Variants in HIF1AN observed in about 807,000 individuals in gnomAD.
HIF1AN encodes the protein hypoxia-inducible factor 1-alpha inhibitor.
A neutral mutation model predicts 47.7 loss-of-function variants in HIF1AN; 21 were observed. That is an observed-to-expected ratio of 0.44 (90% confidence interval 0.31 to 0.63). The LOEUF (loss-of-function observed/expected upper bound fraction) is 0.63, where lower values mean the gene tolerates loss of function less well. Ranked by LOEUF, HIF1AN falls within the 30% of genes least tolerant of loss-of-function variation. The pLI is 0.07. For synonymous variants in HIF1AN, 152 were observed against 155.9 expected, an observed-to-expected ratio of 0.98 and a Z score of 0.18; for missense variants, 320 against 432.7, an observed-to-expected ratio of 0.74 and a Z score of 2.31.
chr10:100,546,011 G>T lies in HIF1AN; in HGVS notation c.792G>T (p.Val264=). 6.2e-7 allele frequency: 1 copy of T among 1,613,924 alleles called. No individual in the cohort carries two copies. Among genetic ancestry groups the T allele is most frequent in the Non-Finnish European group, 8.5e-7 (1 of 1,179,910 alleles). Residue 264 remains valine, a synonymous_variant, in exon 5 of 8, where the codon GTG becomes GTT. Transcript: ENST00000299163. ...NFQNVVGYET[V]VGPGDVLYIP... is the part of the protein sequence containing the mutation. ...AAAATGTGGTTGGTTACGAAACAGT[G>T]GTTGGCCCTGGTGATGTTCTTTACA...
chr10:100,543,328 TAC>T (rs1385595495), intron 3 of HIF1AN, among the ~76,000 whole-genome samples: 1 of 152,194 alleles, frequency 6.6e-6, no homozygotes, highest in East Asian at 1.9e-4. Context: ...TAGCTAGGAC[TAC>T]AGGCGTAAGC....
In HIF1AN at chr10:100,556,891, C is replaced by G. The variant is rs1309362868; in HGVS notation, c.*8754C>G. 1.3e-5 allele frequency: 2 copies of G among 152,180 alleles called. No individual in the cohort carries two copies. The highest frequency in any genetic ancestry group is 4.8e-5 in the African/African-American group (2 of 41,440). 9.4% of individuals were successfully genotyped at this position (152,180 alleles called of 1,614,324 possible). A position where few individuals can be genotyped will look rare whatever the true frequency, so the allele number is the denominator to read the frequency against. On this transcript the variant is annotated 3_prime_UTR_variant, in exon 8 of 8. Transcript: ENST00000299163. ...CAGGAAAATGTTTTATTATGAAGACCAAGTGTCTCTGAAAAGTGTTTCCTT... is the reference window on the plus strand; with the variant it reads ...CAGGAAAATGTTTTATTATGAAGACGAAGTGTCTCTGAAAAGTGTTTCCTT...
In HIF1AN at chr10:100,536,076, A is replaced by G. The variant is rs1160966390; in HGVS notation, c.118A>G (p.Arg40Gly). Residue 40 changes from arginine to glycine, a missense_variant, in exon 1 of 8, where the codon AGG (arginine) becomes GGG (glycine). Physicochemically the swap from Arg to Gly is moderately radical, Grantham distance 125. This residue lies in a region of HIF1AN where 159 missense variants were observed against 159.9 expected (regional missense o/e 0.99). Coordinates refer to ENST00000299163, the MANE Select transcript of HIF1AN (RefSeq NM_017902.3). ...GTTGCGCAGTTATAGCTTCCCGACTAGGCCCATTCCGCGTCTGAGTCAGAG... is the reference window on the plus strand; with the variant it reads ...GTTGCGCAGTTATAGCTTCCCGACTGGGCCCATTCCGCGTCTGAGTCAGAG... ...SQLRSYSFPT[R>G]PIPRLSQSDP... 3 of 1,612,438 alleles carry G rather than the reference A, an allele frequency of 1.9e-6. No homozygotes were observed. Among genetic ancestry groups the G allele is most frequent in the South Asian group, 2.2e-5 (2 of 91,022 alleles).
chr10:100,543,863 G>A (rs1007086989), intron 3 of HIF1AN, among the ~76,000 whole-genome samples: 3 of 152,186 alleles, frequency 2.0e-5, no homozygotes, highest in Admixed American at 2.0e-4. Flanking sequence ...GAGCCGCTGC[G>A]CCCGGCAGTT....
In HIF1AN at chr10:100,540,745, G is replaced by C. The variant is rs1843018587; in HGVS notation, c.540G>C (p.Gly180=). 2 of 1,613,210 alleles carry C rather than the reference G, an allele frequency of 1.2e-6. No homozygotes were observed. The highest frequency in any genetic ancestry group is 1.7e-6 in the Non-Finnish European group (2 of 1,179,764). The change falls in exon 3 of 8, where the codon GGG becomes GGC. Residue 180 remains glycine, a synonymous_variant. Coordinates refer to ENST00000299163, the MANE Select transcript of HIF1AN (RefSeq NM_017902.3). ...AGCAACAGGGAAAGCGTGGCTGGGG[G>C]CAGCTTACCTCTAACCTGCTGCTCA... The part of the protein sequence containing the change: ...INKQQGKRGW[G]QLTSNLLLIG...
chr10:100,558,583 T>C lies in HIF1AN; in HGVS notation c.*10446T>C, dbSNP rs1843233169. 6.6e-6 allele frequency: 1 copy of C among 152,186 alleles called. No homozygotes were observed. Among genetic ancestry groups the C allele is most frequent in the South Asian group, 2.1e-4 (1 of 4,824 alleles). The allele number at this position is 152,186 out of a possible 1,614,324, so 9.4% of individuals were successfully genotyped here. ...GACAGCCTAGATGGGATTCTAGACT[T>C]CTGTGAGAAAGTGCAGTTAGGCCCT... On this transcript the variant is annotated 3_prime_UTR_variant, in exon 8 of 8. Coordinates refer to ENST00000299163, the MANE Select transcript of HIF1AN (RefSeq NM_017902.3).
In HIF1AN at chr10:100,555,900, G is replaced by A. The variant is rs1843210848; in HGVS notation, c.*7763G>A. 1 of 152,244 alleles carries A rather than the reference G, an allele frequency of 6.6e-6. No homozygotes were observed. Among genetic ancestry groups the A allele is most frequent in the East Asian group, 1.9e-4 (1 of 5,206 alleles). 9.4% of individuals were successfully genotyped at this position (152,244 alleles called of 1,614,324 possible). A position where few individuals can be genotyped will look rare whatever the true frequency, so the allele number is the denominator to read the frequency against. On this transcript the variant is annotated 3_prime_UTR_variant, in exon 8 of 8. Coordinates refer to ENST00000299163, the MANE Select transcript of HIF1AN (RefSeq NM_017902.3). ...TATAGTGCAATATAGTGTAGTGGTT[G>A]AGAGTGGAGTCTGCATACCTGGATC...
intron 2 of HIF1AN, among the ~76,000 whole-genome samples, chr10:100,539,992 CTTTTA>C (rs747906425): frequency 3.3e-5 from 5 of 151,878 alleles, no homozygotes; most frequent in Admixed American, 6.6e-5. Context: ...TCCGTGGATT[CTTTTA>C]TTTATTTATT....
At chr10:100,540,361 G>T (rs762773420) in intron 2 of HIF1AN, among the ~76,000 whole-genome samples, 1 of 152,042 alleles carries the variant, frequency 6.6e-6, no homozygotes, top group Non-Finnish European at 1.5e-5. Context: ...AAGAGTTTAA[G>T]ACCAACCTGG....
chr10:100,546,149 T>A, intron 5 of HIF1AN, 100 bp downstream of exon 5: 1 of 850,132 alleles, frequency 1.2e-6, no homozygotes, highest in Non-Finnish European at 2.0e-6. Context: ...ATGATTGGTT[T>A]TATGTGGTCT....
chr10:100,546,132 T>G, intron 5 of HIF1AN, 83 bp downstream of exon 5: 1 of 969,846 alleles, frequency 1.0e-6, no homozygotes, highest in Admixed American at 1.9e-5. Context: ...CGCTTCTGAG[T>G]TATGGCATGA....
chr10:100,541,046 C>T (rs1394114692), intron 3 of HIF1AN, among the ~76,000 whole-genome samples: 1 of 152,058 alleles, frequency 6.6e-6, no homozygotes, highest in African/African-American at 2.4e-5. Flanking sequence ...AACCCCGTCT[C>T]TACTAAAATA....
intron 4 of HIF1AN, 160 bp downstream of exon 4, chr10:100,545,256 T>G: frequency 2.8e-6 from 2 of 717,434 alleles, no homozygotes; most frequent in Non-Finnish European, 2.2e-6. Context: ...GCTCACATAT[T>G]CCAGGCTCCC....
chr10:100,539,060 C>A (rs961583548), intron 2 of HIF1AN, among the ~76,000 whole-genome samples: 1 of 151,802 alleles, frequency 6.6e-6, no homozygotes, highest in African/African-American at 2.4e-5. Context: ...CATGTGCTGC[C>A]ACCACCATGC....
At chr10:100,541,802 C>T (rs1328103181) in intron 3 of HIF1AN, among the ~76,000 whole-genome samples, 1 of 152,162 alleles carries the variant, frequency 6.6e-6, no homozygotes, top group Non-Finnish European at 1.5e-5. Flanking sequence ...GTCAGGGATA[C>T]GTTCTGAGAA....
intron 3 of HIF1AN, 122 bp downstream of exon 3, chr10:100,540,904 C>A: frequency 1.1e-6 from 1 of 891,660 alleles, no homozygotes; most frequent in Non-Finnish European, 1.6e-6. Context: ...AAGCCTCAGC[C>A]TACTCAGCTC....
Position 100,556,251 on chromosome 10 carries a change from G to A in HIF1AN, c.*8114G>A, listed in dbSNP as rs1843213970. 6.6e-6 allele frequency: 1 copy of A among 152,172 alleles called. No homozygotes were observed. The highest frequency in any genetic ancestry group is 1.5e-5 in the Non-Finnish European group (1 of 68,052). 9.4% of individuals were successfully genotyped at this position (152,172 alleles called of 1,614,324 possible). ...TGCTTACAAGGATACTATCACCTATGCCATCAGTGGGGAATGACCTTCCAA... is the reference window on the plus strand; with the variant it reads ...TGCTTACAAGGATACTATCACCTATACCATCAGTGGGGAATGACCTTCCAA... On this transcript the variant is annotated 3_prime_UTR_variant, in exon 8 of 8. Coordinates refer to ENST00000299163, the MANE Select transcript of HIF1AN (RefSeq NM_017902.3).
rs1451332191 is a variant in HIF1AN, at chr10:100,559,306, A to G, written c.*11169A>G. 3 of 152,242 alleles carry G rather than the reference A, an allele frequency of 2.0e-5. No homozygotes were observed. The highest frequency in any genetic ancestry group is 4.4e-5 in the Non-Finnish European group (3 of 68,038). 9.4% of individuals were successfully genotyped at this position (152,242 alleles called of 1,614,324 possible). On this transcript the variant is annotated 3_prime_UTR_variant, in exon 8 of 8. Coordinates refer to ENST00000299163, the MANE Select transcript of HIF1AN (RefSeq NM_017902.3). The stretch of plus-strand genomic sequence containing the variant: ...GTTTAAAGGAGTTTAGTTAAATGTA[A>G]GTTGGATCAAACATTAAACTTTTTT...
chr10:100,548,046 G>C (rs775867631), intron 7 of HIF1AN, 47 bp from the exon 8 acceptor site: 2 of 1,596,142 alleles, frequency 1.3e-6, no homozygotes, highest in Non-Finnish European at 8.6e-7. Context: ...CCAATTCCAG[G>C]GCCAGGGAAC....
Sources: allele counts gnomAD v4.1 joint callset (sites outside exome capture counted in the v4.1 genomes callset), GRCh38; gene constraint gnomAD v4.1.1; regional missense constraint gnomAD v4.1.1; transcripts MANE v1.5; gene names NCBI Gene and HGNC (gene_info 2026-07-23, HGNC 2026-07-21).